TPRA1: variants seen among roughly 807,000 people sequenced by gnomAD.
The protein encoded by TPRA1 is transmembrane protein adipocyte associated 1.
TPRA1 carries 28 observed loss-of-function variants against 40.1 expected under a neutral mutation model. That is an observed-to-expected ratio of 0.70 (90% CI 0.52 to 0.96). The LOEUF is 0.96. Among genes scored for constraint, TPRA1 ranks in the 40% least tolerant of loss-of-function variants. The probability of loss-of-function intolerance (pLI) is 0.00; values close to 1 mark genes in which losing one functional copy is unlikely to be tolerated. For missense variants in TPRA1, 441 were observed against 482.6 expected, an observed-to-expected ratio of 0.91 and a Z score of 0.81; for synonymous variants, 219 against 209.7, an observed-to-expected ratio of 1.04 and a Z score of -0.38.
intron 1 of TPRA1, among the ~76,000 whole-genome samples, chr3:127,596,471 G>A (rs1437027335): frequency 2.6e-5 from 4 of 152,198 alleles, no homozygotes; most frequent in African/African-American, 4.8e-5. Flanking sequence ...CATCCGAGGT[G>A]CATCCTTCAC....
intron 1 of TPRA1, among the ~76,000 whole-genome samples, chr3:127,589,860 G>GC (rs1185414604): frequency 1.3e-5 from 2 of 152,194 alleles, no homozygotes; most frequent in African/African-American, 4.8e-5. Context: ...CTCCAGCACC[G>GC]CCAAGCCCCG....
Position 127,576,532 on chromosome 3 carries a change from G to T in TPRA1, c.498+85C>A. On this transcript the variant is annotated intron_variant, in intron 6 of 10. Transcript: ENST00000355552. This position sits in a 1 kb window ranked among gnomAD's most constrained non-coding sequence, Gnocchi z 4.6. ...TTTTGAGAACTCTGAAGGTGATAAAGACTGGAAACCTGACCCAGACCCAGA... is the reference window on the plus strand; with the variant it reads ...TTTTGAGAACTCTGAAGGTGATAAATACTGGAAACCTGACCCAGACCCAGA... 1 of 1,325,032 alleles carries T rather than the reference G, an allele frequency of 7.5e-7. No individual in the cohort carries two copies. The highest frequency in any genetic ancestry group is 1.0e-6 in the Non-Finnish European group (1 of 969,346). 82.1% of individuals were successfully genotyped at this position (1,325,032 alleles called of 1,614,324 possible). A position where few individuals can be genotyped will look rare whatever the true frequency, so the allele number is the denominator to read the frequency against.
chr3:127,582,183 G>A (rs1384452309), intron 1 of TPRA1, among the ~76,000 whole-genome samples: 1 of 152,228 alleles, frequency 6.6e-6, no homozygotes, highest in Non-Finnish European at 1.5e-5. Flanking sequence ...ATGAAAGGGA[G>A]GGAAGACTCT....
Position 127,580,099 on chromosome 3 carries a change from T to TA in TPRA1, c.47dup (p.Pro17ThrfsTer98). ...TGATGTTTGGTGCCAGGGGTGGGGGTAGCGCTGTGCTCCCATTGGCCCAAG... is the reference window on the plus strand; with the variant it reads ...TGATGTTTGGTGCCAGGGGTGGGGGTAAGCGCTGTGCTCCCATTGGCCCAAG... On this transcript the variant is annotated frameshift_variant, in exon 2 of 11. Transcript: ENST00000355552. LOFTEE classifies it high-confidence loss of function. 2 of 1,613,592 alleles carry TA rather than the reference T, an allele frequency of 1.2e-6. No homozygotes were observed. Among genetic ancestry groups the TA allele is most frequent in the Non-Finnish European group, 1.7e-6 (2 of 1,179,968 alleles).
chr3:127,597,952 C>T, intron 1 of TPRA1: 1 of 186,782 alleles, frequency 5.4e-6, no homozygotes, highest in Non-Finnish European at 1.1e-5. Flanking sequence ...GGATTACAGG[C>T]CCGTGCCACC....
intron 3 of TPRA1, among the ~76,000 whole-genome samples, chr3:127,578,959 A>G (rs1186302097): frequency 1.3e-5 from 2 of 151,670 alleles, no homozygotes; most frequent in Non-Finnish European, 2.9e-5. Context: ...CCACACCAGG[A>G]CAGCCCGCAC....
At position 127,579,881 on chromosome 3, in the gene TPRA1, T is replaced by C. The variant is rs1205427169; in HGVS notation, c.126-9A>G. 3.7e-6 allele frequency: 6 copies of C among 1,613,280 alleles called. No individual in the cohort carries two copies. Among genetic ancestry groups the C allele is most frequent in the Non-Finnish European group, 5.1e-6 (6 of 1,180,012 alleles). ...GGTCCCAGTACCGGACCCTGGCGGA[T>C]GGGCACAGGAGCTGGCTCACTGGCG... On this transcript the variant is annotated splice_polypyrimidine_tract_variant and intron_variant, in intron 2 of 10. Transcript: ENST00000355552.
chr3:127,583,662 T>G (rs1451476209), intron 1 of TPRA1, among the ~76,000 whole-genome samples: 1 of 151,636 alleles, frequency 6.6e-6, no homozygotes, highest in Admixed American at 6.6e-5. Context: ...AAGCCCACCC[T>G]TCATTCACAC....
chr3:127,579,514 G>A (rs2073755890), intron 3 of TPRA1, among the ~76,000 whole-genome samples: 1 of 152,182 alleles, frequency 6.6e-6, no homozygotes. Context: ...TGTAGAGGCA[G>A]GATGTTAGCT....
At chr3:127,585,224 A>C (rs532627903) in intron 1 of TPRA1, among the ~76,000 whole-genome samples, 84 of 152,350 alleles carry the variant, frequency 5.5e-4, no homozygotes, top group Middle Eastern at 3.4e-3. Flanking sequence ...CCAGCCTTGG[A>C]AAGATCGAGA....
At chr3:127,597,844 G>A (rs2074261352) in intron 1 of TPRA1, among the ~76,000 whole-genome samples, 2 of 151,100 alleles carry the variant, frequency 1.3e-5, no homozygotes, top group Admixed American at 1.3e-4. Flanking sequence ...GTCTCACTCT[G>A]TCACCCAGGC....
At chr3:127,575,150 C>A (rs2073549362) in intron 10 of TPRA1, 35 bp downstream of exon 10, 2 of 1,607,172 alleles carry the variant, frequency 1.2e-6, no homozygotes, top group East Asian at 2.2e-5. Context: ...GTTCCGCCGG[C>A]AGCCACGCGG....
Position 127,579,770 on chromosome 3 carries a change from G to A in TPRA1, c.228C>T (p.Ser76=). The A allele has an allele frequency of 1.2e-6, 2 of 1,614,196 alleles. No individual in the cohort carries two copies. The highest frequency in any genetic ancestry group is 1.7e-6 in the Non-Finnish European group (2 of 1,180,032). ...PSARAKIRIT[S]SPIFITFYIL... is the part of the protein sequence containing the mutation. ...TGTAGAAGGTGATAAAAATGGGGCT[G>A]GAGGTGATGCGGATCTTCGCCCGAG... Residue 76 remains serine (S), a synonymous_variant, in exon 3 of 11, where the codon TCC becomes TCT. Transcript: ENST00000355552.
upstream of TPRA1, chr3:127,591,116 C>T (rs2074159585): frequency 6.6e-6 from 1 of 152,178 alleles, no homozygotes; most frequent in Non-Finnish European, 1.5e-5. Context: ...GGCGGAGCCT[C>T]CGGGGACCGC....
chr3:127,575,210 C>G lies in TPRA1; in HGVS notation c.829G>C (p.Val277Leu), dbSNP rs2107621621. The G allele has an allele frequency of 6.2e-7, 1 of 1,614,052 alleles. No individual in the cohort carries two copies. The highest frequency in any genetic ancestry group is 8.5e-7 in the Non-Finnish European group (1 of 1,180,000). ...CCGAAGAAGCCCCGGAGGAAAGCCA[C>G]GTAGATGAGCGGAGCGAAGAAGCTG... ...YFSFFAPLIY[V>L]AFLRGFFGSE... The change falls in exon 10 of 11, where the codon GTG (valine) becomes CTG (leucine). Residue 277 changes from valine (V) to leucine (L), a missense_variant. Transcript: ENST00000355552.
chr3:127,586,692 G>A (rs1384877060), intron 1 of TPRA1, among the ~76,000 whole-genome samples: 1 of 152,236 alleles, frequency 6.6e-6, no homozygotes, highest in Non-Finnish European at 1.5e-5. Context: ...AAGCCAGGCA[G>A]AGTGAACGCC....
At position 127,575,445 on chromosome 3, in the gene TPRA1, A is replaced by T. The variant is rs771807189; in HGVS notation, c.731T>A (p.Leu244Gln). Residue 244 changes from leucine to glutamine, a missense_variant, in exon 9 of 11, where the codon CTG (leucine) becomes CAG (glutamine). Coordinates refer to ENST00000355552, the MANE Select transcript of TPRA1 (RefSeq NM_001136053.4). ...GTCGAAGCACAGCAGCACACTCCCC[A>T]GCCCCTGCAGTAGGTTGAGCAGTGC... is the stretch of plus-strand genomic sequence containing the variant. ...ILALLNLLQG[L>Q]GSVLLCFDII... The T allele has an allele frequency of 6.2e-7, 1 of 1,603,242 alleles. No individual in the cohort carries two copies. The highest frequency in any genetic ancestry group is 1.1e-5 in the South Asian group (1 of 89,566).
intron 1 of TPRA1, among the ~76,000 whole-genome samples, chr3:127,596,204 T>C (rs2074238906): frequency 6.6e-6 from 1 of 152,118 alleles, no homozygotes; most frequent in Admixed American, 6.6e-5. Flanking sequence ...CTCAGCCTCC[T>C]GAGTAGTTGG....
intron 3 of TPRA1, 32 bp from the exon 4 acceptor site, chr3:127,577,108 G>A: frequency 6.2e-7 from 1 of 1,609,510 alleles, no homozygotes; most frequent in Non-Finnish European, 8.5e-7. Flanking sequence ...TGGCAGTCAG[G>A]GAACAAGAGC....
Sources: allele counts gnomAD v4.1 joint callset (sites outside exome capture counted in the v4.1 genomes callset), GRCh38; gene constraint gnomAD v4.1.1; non-coding constraint Gnocchi (gnomAD v3.1); transcripts MANE v1.5; gene names NCBI Gene and HGNC (gene_info 2026-07-23, HGNC 2026-07-21).